The following MYO1A variants were observed in gnomAD, a reference collection of about 807,000 sequenced individuals.
The protein encoded by MYO1A is myosin IA, also known as unconventional myosin-Ia.
A neutral mutation model predicts 138.5 loss-of-function variants in MYO1A; 127 were observed. That is an observed-to-expected ratio of 0.92 (90% CI 0.79 to 1.06). The LOEUF (loss-of-function observed/expected upper bound fraction) is 1.06, where lower values mean the gene tolerates loss of function less well. Ranked by LOEUF, MYO1A falls within the 50% of genes least tolerant of loss-of-function variation. MYO1A has a pLI of 0.00. For synonymous variants in MYO1A, 477 were observed against 497.5 expected, an observed-to-expected ratio of 0.96 and a Z score of 0.55; for missense variants, 1,211 against 1,288.8, an observed-to-expected ratio of 0.94 and a Z score of 0.92.
chr12:57,040,976 C>T (rs2030830589), intron 14 of MYO1A, among the ~76,000 whole-genome samples: 1 of 152,182 alleles, frequency 6.6e-6, no homozygotes, highest in Admixed American at 6.5e-5. Context: ...ACACATGTAC[C>T]CTGGGAGGCC....
chr12:57,049,644 C>T lies in MYO1A; in HGVS notation c.-21+243G>A, dbSNP rs141549884. Among the ~76,000 whole-genome samples, 70 of 152,328 alleles carry T rather than the reference C, an allele frequency of 4.6e-4. No individual in the cohort carries two copies. In the East Asian group the frequency reaches 0.013, roughly 29 times the overall value. ...ATTCATTTAGTGCTTACAATATCCC[C>T]ATGAAGTAGATACTATTTTTGTATT... On this transcript the variant is annotated intron_variant, in intron 1 of 27. Coordinates refer to ENST00000300119, the MANE Select transcript of MYO1A (RefSeq NM_005379.4).
chr12:57,047,013 C>T lies in MYO1A; in HGVS notation c.477+48G>A, dbSNP rs1565648077. The T allele has an allele frequency of 5.6e-6, 9 of 1,612,826 alleles. No homozygotes were observed. In the South Asian group the frequency reaches 6.6e-5, roughly 12 times the overall value. On this transcript the variant is annotated intron_variant, in intron 6 of 27. Coordinates refer to ENST00000300119, the MANE Select transcript of MYO1A (RefSeq NM_005379.4). ...AGGGGTCTGTGCCACATTCCTCCCT[C>T]TTAAGCCCCCACATCCTCTCTTCCC... is the stretch of plus-strand genomic sequence containing the variant.
Position 57,028,776 on chromosome 12 carries a change from G to A in MYO1A, c.3111C>T (p.Cys1037=). Residue 1037 remains cysteine, a synonymous_variant, in exon 28 of 28, where the codon TGC becomes TGT. Transcript: ENST00000300119. ...CTCCTCACTGCACAGTCACCTCCAA[G>A]CAATGACTCCCCTTTTTTTTGTAGC... is the stretch of plus-strand genomic sequence containing the variant. The part of the protein sequence containing the change: ...KLRYKKKGSH[C]LEVTVQ 6.2e-7 allele frequency: 1 copy of A among 1,614,084 alleles called. No individual in the cohort carries two copies. Among genetic ancestry groups the A allele is most frequent in the Non-Finnish European group, 8.5e-7 (1 of 1,179,994 alleles).
At chr12:57,048,385 T>C in intron 1 of MYO1A, 42 bp from the exon 2 acceptor site, 2 of 1,160,980 alleles carry the variant, frequency 1.7e-6, no homozygotes, top group Middle Eastern at 2.2e-4. Context: ...CACTCAGCTT[T>C]AGGGGCCAGT....
chr12:57,047,126 G>A lies in MYO1A; in HGVS notation c.431-19C>T. 2 of 1,613,896 alleles carry A rather than the reference G, an allele frequency of 1.2e-6. No homozygotes were observed. Among genetic ancestry groups the A allele is most frequent in the South Asian group, 1.1e-5 (1 of 91,036 alleles). On this transcript the variant is annotated intron_variant, in intron 5 of 27. Transcript: ENST00000300119. ...CCAAAAGCTACAGAGATGAGGAGGG[G>A]AGAAGTGAAACTCTAGAGAAGGGAA...
intron 8 of MYO1A, 70 bp downstream of exon 8, chr12:57,046,482 G>A: frequency 8.4e-7 from 1 of 1,194,282 alleles, no homozygotes; most frequent in Non-Finnish European, 1.2e-6. Context: ...AGGGGTTCTG[G>A]GACTGAATGG....
rs757327281 is a variant in MYO1A at position 57,030,205 on chromosome 12, C to T, written c.2591+5G>A. The stretch of plus-strand genomic sequence containing the variant: ...CTGGCTGTGCAGGGTCTGGGAGGCC[C>T]TCACCTCTGGGGATATGAAGCCTTC... On this transcript the variant is annotated splice_donor_5th_base_variant and intron_variant, in intron 24 of 27. Transcript: ENST00000300119. The T allele has an allele frequency of 9.1e-5, 147 of 1,612,856 alleles. No homozygotes were observed. The South Asian group carries it at 1.5e-3, about 16-fold the overall frequency.
rs2030985638 is a variant in MYO1A at position 57,044,086 on chromosome 12, G to A, written c.744+20C>T. 6.2e-7 allele frequency: 1 copy of A among 1,613,970 alleles called. No individual in the cohort carries two copies. Among genetic ancestry groups the A allele is most frequent in the African/African-American group, 1.3e-5 (1 of 74,922 alleles). On this transcript the variant is annotated intron_variant, in intron 9 of 27. Coordinates refer to ENST00000300119, the MANE Select transcript of MYO1A (RefSeq NM_005379.4). ...GAGGATGACCTAAGGGCCCAAGCCT[G>A]CCTCACCCTGGGCACCCACCTGTAC...
intron 3 of MYO1A, 23 bp downstream of exon 3, chr12:57,047,966 C>T (rs1161197625): frequency 6.2e-7 from 1 of 1,604,494 alleles, no homozygotes; most frequent in Non-Finnish European, 8.5e-7. Context: ...CCCTGTCAGC[C>T]TTCCCTTGGT....
chr12:57,032,005 A>G (rs1425436984), intron 22 of MYO1A, among the ~76,000 whole-genome samples: 2 of 152,176 alleles, frequency 1.3e-5, no homozygotes, highest in Admixed American at 1.3e-4. Context: ...CCACCCGGAC[A>G]GGACTCTTTC....
chr12:57,046,443 G>C, intron 8 of MYO1A, 109 bp downstream of exon 8: 8 of 834,646 alleles, frequency 9.6e-6, no homozygotes, highest in Non-Finnish European at 1.7e-5. Context: ...AGGCTCAAGG[G>C]AAGAGGGCTG....
chr12:57,040,309 G>A (rs548103888), intron 14 of MYO1A, among the ~76,000 whole-genome samples: 1 of 152,288 alleles, frequency 6.6e-6, no homozygotes, highest in East Asian at 1.9e-4. Context: ...ACAGAACAGA[G>A]TGTATTTACT....
rs766036177 is a variant in MYO1A, at chr12:57,046,930, CAGAGAGAGACCAG to C, written c.478-17_478-5del. ...ATTCAATATCCATGTATTTTCCCTT[CAGAGAGAGACCAG>C]AGAGAGAGACTTAGCTTCTTCCTCT... On this transcript the variant is annotated splice_polypyrimidine_tract_variant and splice_region_variant and intron_variant, in intron 6 of 27. Coordinates refer to ENST00000300119, the MANE Select transcript of MYO1A (RefSeq NM_005379.4). The C allele has an allele frequency of 3.7e-6, 6 of 1,614,068 alleles. No individual in the cohort carries two copies. The highest frequency in any genetic ancestry group is 3.3e-5 in the Admixed American group (2 of 60,008).
intron 8 of MYO1A, 43 bp downstream of exon 8, chr12:57,046,509 C>A: frequency 1.3e-6 from 2 of 1,497,530 alleles, no homozygotes; most frequent in South Asian, 2.3e-5. Context: ...GGGACTTTGC[C>A]ATGTGTCACT....
At position 57,037,559 on chromosome 12, in the gene MYO1A, T is replaced by A. The variant is rs2030617609; in HGVS notation, c.2044A>T (p.Ser682Cys). ...AFGKTKIFIR[S>C]PKTLFYLEEQ... is the part of the protein sequence containing the mutation. ...ACTCTCTAACTCACAGTCTTGGGGC[T>A]TCTAATGAAGATCTTTGTCTTGCCA... The change falls in exon 19 of 28, where the codon AGC (serine) becomes TGC (cysteine). Residue 682 changes from serine (S) to cysteine (C), a missense_variant. Coordinates refer to ENST00000300119, the MANE Select transcript of MYO1A (RefSeq NM_005379.4). 7 of 1,614,094 alleles carry A rather than the reference T, an allele frequency of 4.3e-6. No homozygotes were observed. In the East Asian group the frequency reaches 1.6e-4, roughly 36 times the overall value.
At chr12:57,050,764 T>G (rs1261319769), upstream of MYO1A, 1 of 152,158 alleles carries the variant, frequency 6.6e-6, no homozygotes, top group East Asian at 1.9e-4. Flanking sequence ...CCCCCTTGCA[T>G]TGCCTCACTG....
rs753049091 is a variant in MYO1A at position 57,046,943 on chromosome 12, G to A, written c.478-17C>T. Reference sequence around the variant, plus strand: ...GTATTTTCCCTTCAGAGAGAGACCAGAGAGAGAGACTTAGCTTCTTCCTCT... The same window carrying A: ...GTATTTTCCCTTCAGAGAGAGACCAAAGAGAGAGACTTAGCTTCTTCCTCT... On this transcript the variant is annotated splice_polypyrimidine_tract_variant and intron_variant, in intron 6 of 27. Coordinates refer to ENST00000300119, the MANE Select transcript of MYO1A (RefSeq NM_005379.4). 5 of 1,609,356 alleles carry A rather than the reference G, an allele frequency of 3.1e-6. No homozygotes were observed. Among genetic ancestry groups the A allele is most frequent in the East Asian group, 2.2e-5 (1 of 44,874 alleles).
At chr12:57,046,812 G>T (rs1254303127) in intron 7 of MYO1A, 51 bp downstream of exon 7, 6 of 1,584,262 alleles carry the variant, frequency 3.8e-6, no homozygotes, top group Non-Finnish European at 5.2e-6. Flanking sequence ...AGCAGAAAGG[G>T]CCATGGGAGG....
intron 8 of MYO1A, among the ~76,000 whole-genome samples, chr12:57,045,785 TCAGGCCAGTC>T (rs1400103266): frequency 2.0e-5 from 3 of 152,148 alleles, no homozygotes; most frequent in African/African-American, 4.8e-5. Flanking sequence ...CAGAGCCACT[TCAGGCCAGTC>T]CAGCATCCAG....
Sources: gnomAD v4.1 joint callset for allele counts (sites outside exome capture counted in the v4.1 genomes callset) on GRCh38, gnomAD v4.1.1 for gene constraint, MANE v1.5 for transcripts, NCBI Gene and HGNC (gene_info 2026-07-23, HGNC 2026-07-21) for gene names.